Variants in ADH1A observed in about 807,000 individuals in gnomAD.
The protein encoded by ADH1A is alcohol dehydrogenase 1A.
Under a neutral mutation model 35.2 loss-of-function variants are expected in ADH1A, and 29 were observed. The ratio of observed to expected loss-of-function variants is 0.82; its 90% CI spans 0.61 to 1.12. The LOEUF (loss-of-function observed/expected upper bound fraction) is 1.12. Among genes scored for constraint, ADH1A ranks in the 50% most tolerant of loss-of-function variants. The pLI is 0.00. For synonymous variants in ADH1A, 147 were observed against 164.8 expected (o/e 0.89, Z 0.83); for missense variants, 469 against 464.7 (o/e 1.01, Z -0.09).
At chr4:99,289,213 G>T (rs780046392) in intron 1 of ADH1A, among the ~76,000 whole-genome samples, 1 of 151,944 alleles carries the variant, frequency 6.6e-6, no homozygotes, top group Non-Finnish European at 1.5e-5. Context: ...TTATCTACTC[G>T]TTTGTCGATG....
chr4:99,284,448 A>G lies in ADH1A; in HGVS notation c.518T>C (p.Ile173Thr). 3 of 1,614,128 alleles carry G rather than the reference A, an allele frequency of 1.9e-6. No homozygotes were observed. Among genetic ancestry groups the G allele is most frequent in the Non-Finnish European group, 2.5e-6 (3 of 1,179,986 alleles). Residue 173 changes from isoleucine to threonine, a missense_variant, in exon 5 of 9, where the codon ATT becomes ACT. By Grantham distance (89) the Ile-to-Thr change is moderately conservative. Transcript: ENST00000209668. ...AASPLEKVCLIGCGFSTGYGS... is the reference protein window; with the variant it reads ...AASPLEKVCLTGCGFSTGYGS... Reference sequence around the variant, plus strand: ...ATAACCAGTTGAAAATCCACAGCCAATGAGACAGACTTTCTCTAGAGGCGA... The same window carrying G: ...ATAACCAGTTGAAAATCCACAGCCAGTGAGACAGACTTTCTCTAGAGGCGA...
rs764694595 is a variant in ADH1A at position 99,279,410 on chromosome 4, T to C, written c.1103+16A>G. The C allele has an allele frequency of 6.3e-7, 1 of 1,583,364 alleles. No individual in the cohort carries two copies. The highest frequency in any genetic ancestry group is 1.2e-5 in the South Asian group (1 of 84,640). Reference sequence around the variant, plus strand: ...TAGAAAAAAAAGCAAAACAGAAAACTAACTAAAAAATCTACCTTTTCCCAG... The same window carrying C: ...TAGAAAAAAAAGCAAAACAGAAAACCAACTAAAAAATCTACCTTTTCCCAG... On this transcript the variant is annotated intron_variant, in intron 8 of 8. Coordinates refer to ENST00000209668, the MANE Select transcript of ADH1A (RefSeq NM_000667.4).
At chr4:99,286,602 C>T in intron 3 of ADH1A, 1 of 496,964 alleles carries the variant, frequency 2.0e-6, no homozygotes. Context: ...TATCTCCAGG[C>T]TCCAACCTGG....
intron 1 of ADH1A, chr4:99,288,656 A>T (rs1206856641): frequency 6.6e-6 from 1 of 152,148 alleles, no homozygotes; most frequent in Non-Finnish European, 1.5e-5. Flanking sequence ...CAAATTATTC[A>T]ACTTTGCAGG....
At chr4:99,280,027 T>G (rs1307198638) in intron 7 of ADH1A, 117 bp downstream of exon 7, 1 of 1,448,602 alleles carries the variant, frequency 6.9e-7, no homozygotes, top group Admixed American at 1.7e-5. Flanking sequence ...AGACTGTAGA[T>G]AGAAAAGGAA....
At chr4:99,279,702 T>A in intron 7 of ADH1A, 138 bp from the exon 8 acceptor site, 1 of 1,052,204 alleles carries the variant, frequency 9.5e-7, no homozygotes, top group African/African-American at 1.6e-5. Flanking sequence ...AGAGATACAG[T>A]ACCTCAATAA....
rs574795580 is a variant in ADH1A at position 99,284,405 on chromosome 4, A to C, written c.561T>G (p.Val187=). 12 of 1,614,142 alleles carry C rather than the reference A, an allele frequency of 7.4e-6. No homozygotes were observed. The highest frequency in any genetic ancestry group is 3.3e-5 in the Admixed American group (2 of 60,022). Residue 187 remains valine (V), a synonymous_variant, in exon 5 of 9, where the codon GTT becomes GTG. Transcript: ENST00000209668. The part of the protein sequence containing the change: ...FSTGYGSAVN[V]AKVTPGSTCA... ...CACCCATTGCCATTCTTACCTTGGC[A>C]ACATTGACTGCAGACCCATAACCAG...
chr4:99,280,071 T>C (rs1732961875), intron 7 of ADH1A, 73 bp downstream of exon 7: 1 of 1,590,786 alleles, frequency 6.3e-7, no homozygotes, highest in Admixed American at 1.7e-5. Context: ...TTTCAAAACC[T>C]TGCCTTGTCA....
intron 8 of ADH1A, 36 bp downstream of exon 8, chr4:99,279,390 A>C: frequency 6.4e-7 from 1 of 1,573,088 alleles, no homozygotes; most frequent in Non-Finnish European, 8.6e-7. Flanking sequence ...TATGGTAGAA[A>C]AAAAAGCAAA....
At chr4:99,277,636 A>G (rs1035287040) in intron 8 of ADH1A, among the ~76,000 whole-genome samples, 8 of 152,060 alleles carry the variant, frequency 5.3e-5, no homozygotes, top group African/African-American at 1.9e-4. Context: ...TACAAGTTTT[A>G]CTGCTGTTGT....
intron 3 of ADH1A, among the ~76,000 whole-genome samples, chr4:99,286,373 T>A (rs562826291): frequency 9.2e-5 from 14 of 152,296 alleles, no homozygotes; most frequent in Non-Finnish European, 1.5e-4. Context: ...AGGGGCTGCA[T>A]AGGTCACCTA....
chr4:99,277,760 A>C (rs555981113), intron 8 of ADH1A, among the ~76,000 whole-genome samples: 306 of 152,218 alleles, frequency 2.0e-3, no homozygotes, highest in Non-Finnish European at 3.9e-3. Context: ...ATTCATTTCT[A>C]ATAGATGATT....
chr4:99,286,675 A>C, intron 3 of ADH1A, 175 bp downstream of exon 3: 1 of 1,084,936 alleles, frequency 9.2e-7, no homozygotes, highest in East Asian at 2.4e-5. Flanking sequence ...TGCGTGCCTA[A>C]AGACATACAT....
At chr4:99,278,303 C>T (rs1347364086) in intron 8 of ADH1A, 2 of 151,916 alleles carry the variant, frequency 1.3e-5, no homozygotes, top group African/African-American at 4.8e-5. Flanking sequence ...TTCCATATAT[C>T]CATGCGCTCT....
intron 8 of ADH1A, 120 bp downstream of exon 8, chr4:99,279,306 C>T: frequency 3.1e-6 from 4 of 1,289,572 alleles, no homozygotes; most frequent in Non-Finnish European, 3.1e-6. Flanking sequence ...AAAGACTGAA[C>T]TGGTAATGGA....
intron 5 of ADH1A, among the ~76,000 whole-genome samples, chr4:99,283,925 G>A (rs779014668): frequency 1.5e-4 from 23 of 152,160 alleles, no homozygotes; most frequent in Admixed American, 1.5e-3. Flanking sequence ...GCCTTGGTTT[G>A]GAGGTGCATC....
At position 99,276,616 on chromosome 4, in the gene ADH1A, G is replaced by T; in HGVS notation, c.*8C>A. The T allele has an allele frequency of 6.2e-7, 1 of 1,611,236 alleles. No homozygotes were observed. The highest frequency in any genetic ancestry group is 8.5e-7 in the Non-Finnish European group (1 of 1,177,450). On this transcript the variant is annotated 3_prime_UTR_variant, in exon 9 of 9. Coordinates refer to ENST00000209668, the MANE Select transcript of ADH1A (RefSeq NM_000667.4). ...AAGACTGCCACAAGGGAAAACATCT[G>T]TATTGTCTCAAAACATCAGAATGGT...
At chr4:99,280,108 T>G in intron 7 of ADH1A, 36 bp downstream of exon 7, 1 of 1,612,974 alleles carries the variant, frequency 6.2e-7, no homozygotes. Context: ...TATGCTGAGG[T>G]TAATGAGAAT....
intron 7 of ADH1A, 80 bp downstream of exon 7, chr4:99,280,064 C>G: frequency 1.3e-6 from 2 of 1,581,520 alleles, no homozygotes; most frequent in East Asian, 2.2e-5. Context: ...ATCTGCTTTT[C>G]AAAACCTTGC....
Sources: gnomAD v4.1 joint callset for allele counts (sites outside exome capture counted in the v4.1 genomes callset) on GRCh38, gnomAD v4.1.1 for gene constraint, MANE v1.5 for transcripts, NCBI Gene and HGNC (gene_info 2026-07-23, HGNC 2026-07-21) for gene names.